PARP8: variants seen among roughly 807,000 people sequenced by gnomAD.
PARP8 encodes poly(ADP-ribose) polymerase family member 8, also known as protein mono-ADP-ribosyltransferase PARP8.
Under a neutral mutation model 124.1 loss-of-function variants are expected in PARP8, and 51 were observed. The ratio of observed to expected loss-of-function variants is 0.41; its 90% CI spans 0.33 to 0.52. The LOEUF (loss-of-function observed/expected upper bound fraction) is 0.52. PARP8 is among the 20% of genes least tolerant of loss of function. PARP8 has a pLI of 0.21. For missense variants in PARP8, 860 were observed against 1,018.9 expected, an observed-to-expected ratio of 0.84 and a Z score of 2.12; for synonymous variants, 391 against 361.5, an observed-to-expected ratio of 1.08 and a Z score of -0.93.
At chr5:50,750,245 T>A in intron 3 of PARP8, 57 bp downstream of exon 3, 1 of 1,408,234 alleles carries the variant, frequency 7.1e-7, no homozygotes, top group Non-Finnish European at 1.0e-6. Context: ...TGAATATTTT[T>A]TTCTTCTGGA....
At chr5:50,697,911 C>G (rs1156276444) in intron 2 of PARP8, among the ~76,000 whole-genome samples, 1 of 152,116 alleles carries the variant, frequency 6.6e-6, no homozygotes, top group Non-Finnish European at 1.5e-5. Flanking sequence ...TGAAAATAAC[C>G]ACTGTGCTGG....
At chr5:50,739,611 A>G (rs2149531388) in intron 2 of PARP8, among the ~76,000 whole-genome samples, 1 of 151,358 alleles carries the variant, frequency 6.6e-6, no homozygotes, top group Admixed American at 6.6e-5. Flanking sequence ...ATCATATACT[A>G]AAGTCTGTGC....
intron 3 of PARP8, among the ~76,000 whole-genome samples, chr5:50,756,212 C>T (rs1277976436): frequency 2.6e-5 from 4 of 151,860 alleles, no homozygotes; most frequent in African/African-American, 7.3e-5. Flanking sequence ...GAACTTCCAA[C>T]ACTATGTTGA....
rs1749355701 is a variant in PARP8, at chr5:50,666,955, A to T, written c.-141A>T. The T allele has an allele frequency of 6.9e-7, 1 of 1,453,268 alleles. No individual in the cohort carries two copies. Among genetic ancestry groups the T allele is most frequent in the African/African-American group, 1.4e-5 (1 of 69,982 alleles). 90.0% of individuals were successfully genotyped at this position (1,453,268 alleles called of 1,614,324 possible). ...TCCTCCTCTTCTCTCACCCAGGATCACTTCCGAAACCACTTCGCCTTCAGC... is the reference window on the plus strand; with the variant it reads ...TCCTCCTCTTCTCTCACCCAGGATCTCTTCCGAAACCACTTCGCCTTCAGC... On this transcript the variant is annotated 5_prime_UTR_variant, in exon 1 of 26. Coordinates refer to ENST00000281631, the MANE Select transcript of PARP8 (RefSeq NM_024615.4).
At chr5:50,737,696 G>GA (rs1225516169) in intron 2 of PARP8, among the ~76,000 whole-genome samples, 1 of 152,088 alleles carries the variant, frequency 6.6e-6, no homozygotes, top group African/African-American at 2.4e-5. Flanking sequence ...GCTTCCGTAT[G>GA]AAAAATCTAC....
chr5:50,735,506 A>G (rs1757381341), intron 2 of PARP8, among the ~76,000 whole-genome samples: 1 of 152,176 alleles, frequency 6.6e-6, no homozygotes, highest in Non-Finnish European at 1.5e-5. Context: ...GTGAAAGACA[A>G]GTATTATTCA....
At chr5:50,705,419 T>A (rs1267338863) in intron 2 of PARP8, among the ~76,000 whole-genome samples, 1 of 152,078 alleles carries the variant, frequency 6.6e-6, no homozygotes, top group African/African-American at 2.4e-5. Context: ...ATATAAACAA[T>A]GTGAAGGTGG....
At chr5:50,808,643 G>T (rs1326959488) in intron 14 of PARP8, among the ~76,000 whole-genome samples, 3 of 151,964 alleles carry the variant, frequency 2.0e-5, no homozygotes, top group Non-Finnish European at 4.4e-5. Context: ...ACGGAGCTGT[G>T]AAATTACAGC....
chr5:50,668,166 T>G, intron 2 of PARP8, 41 bp downstream of exon 2: 1 of 1,497,518 alleles, frequency 6.7e-7, no homozygotes, highest in Non-Finnish European at 9.3e-7. Flanking sequence ...CTGTTCACAC[T>G]CTTGTGTTTC....
intron 14 of PARP8, among the ~76,000 whole-genome samples, chr5:50,813,521 A>T (rs555875218): frequency 6.6e-6 from 1 of 152,172 alleles, no homozygotes; most frequent in Non-Finnish European, 1.5e-5. Context: ...CTAAATATAC[A>T]ACCATGTCAT....
chr5:50,685,188 C>T (rs1751722308), intron 2 of PARP8, among the ~76,000 whole-genome samples: 1 of 152,198 alleles, frequency 6.6e-6, no homozygotes, highest in African/African-American at 2.4e-5. Context: ...TATGTCTTGA[C>T]ATTCCCACAT....
intron 7 of PARP8, among the ~76,000 whole-genome samples, chr5:50,765,305 T>C (rs2149585005): frequency 6.6e-6 from 1 of 152,272 alleles, no homozygotes; most frequent in South Asian, 2.1e-4. Context: ...TGGACAACTT[T>C]AGCACATGTT....
chr5:50,690,284 T>G (rs769484924), intron 2 of PARP8, among the ~76,000 whole-genome samples: 29 of 152,304 alleles, frequency 1.9e-4, no homozygotes, highest in Non-Finnish European at 4.1e-4. Context: ...TCTCCATTTC[T>G]TTTTGGAAGA....
intron 2 of PARP8, among the ~76,000 whole-genome samples, chr5:50,682,951 G>A (rs1751457641): frequency 6.6e-6 from 1 of 152,068 alleles, no homozygotes; most frequent in African/African-American, 2.4e-5. Context: ...GGGGAGGGCA[G>A]GATACAATGC....
At chr5:50,741,798 T>C in intron 2 of PARP8, 1 of 434,210 alleles carries the variant, frequency 2.3e-6, no homozygotes, top group Non-Finnish European at 4.5e-6. Flanking sequence ...AAAGATGTGT[T>C]TTCTTTTCTT....
rs73101035 is a variant in PARP8 at position 50,729,310 on chromosome 5, A to G, written c.147-20841A>G. 9.2e-4 allele frequency among the ~76,000 whole-genome samples: 140 copies of G among 152,090 alleles called. 1 individual carries two copies. The highest frequency in any genetic ancestry group is 3.3e-3 in the African/African-American group (135 of 41,388). ...TTGCTAAGGAAAGAGCATACAGGGG[A>G]AAAAACTTTTTTTTCACACTTGGCT... On this transcript the variant is annotated intron_variant, in intron 2 of 25. Transcript: ENST00000281631.
intron 2 of PARP8, among the ~76,000 whole-genome samples, chr5:50,681,408 G>A (rs1384014039): frequency 6.6e-6 from 1 of 151,974 alleles, no homozygotes; most frequent in African/African-American, 2.4e-5. Context: ...AGGCATTCTT[G>A]ATGTGGTTAG....
intron 2 of PARP8, among the ~76,000 whole-genome samples, chr5:50,715,565 ATAAG>A (rs1175456980): frequency 1.3e-5 from 2 of 151,998 alleles, no homozygotes; most frequent in East Asian, 3.9e-4. Context: ...TGGTCACTTA[ATAAG>A]TAACAGATAA....
rs114540209 is a variant in PARP8, at chr5:50,722,370, G to A, written c.147-27781G>A. ...TGTGTTTACTAATCCCTCTCCCCTCGGGCACAGCTATGTTCCATTTCCCAG... is the reference window on the plus strand; with the variant it reads ...TGTGTTTACTAATCCCTCTCCCCTCAGGCACAGCTATGTTCCATTTCCCAG... On this transcript the variant is annotated intron_variant, in intron 2 of 25. Coordinates refer to ENST00000281631, the MANE Select transcript of PARP8 (RefSeq NM_024615.4). 2.7e-3 allele frequency among the ~76,000 whole-genome samples: 407 copies of A among 151,934 alleles called. 3 individuals are homozygous for A. Among genetic ancestry groups the A allele is most frequent in the Middle Eastern group, 0.024 (7 of 294 alleles).
Sources: allele counts gnomAD v4.1 joint callset (sites outside exome capture counted in the v4.1 genomes callset), GRCh38; gene constraint gnomAD v4.1.1; transcripts MANE v1.5; gene names NCBI Gene and HGNC (gene_info 2026-07-23, HGNC 2026-07-21).